The following PARP12 variants were observed in gnomAD, a reference collection of about 807,000 sequenced individuals.
PARP12 encodes protein mono-ADP-ribosyltransferase PARP12.
Under a neutral mutation model 72.4 loss-of-function variants are expected in PARP12, and 59 were observed. The ratio of observed to expected loss-of-function variants is 0.81; its 90% CI spans 0.66 to 1.01. The LOEUF (loss-of-function observed/expected upper bound fraction) is 1.01, where lower values mean the gene tolerates loss of function less well. Ranked by LOEUF, PARP12 falls within the 50% of genes least tolerant of loss-of-function variation. The probability of loss-of-function intolerance (pLI) is 0.00; values close to 1 mark genes in which losing one functional copy is unlikely to be tolerated. For synonymous variants in PARP12, 403 were observed against 371.4 expected (o/e 1.09, Z -0.98); for missense variants, 851 against 914.0 (o/e 0.93, Z 0.89).
intron 7 of PARP12, among the ~76,000 whole-genome samples, chr7:140,036,974 T>C (rs1211619730): frequency 6.6e-6 from 1 of 152,150 alleles, no homozygotes; most frequent in Non-Finnish European, 1.5e-5. Flanking sequence ...GGACTTTCAA[T>C]TACTCTGTGT....
chr7:140,048,077 C>T (rs1340242460), intron 4 of PARP12, among the ~76,000 whole-genome samples: 1 of 152,212 alleles, frequency 6.6e-6, no homozygotes, highest in African/African-American at 2.4e-5. Flanking sequence ...GCAGAGATCA[C>T]AGCAAAGATG....
chr7:140,025,497 T>A, intron 11 of PARP12: 1 of 431,536 alleles, frequency 2.3e-6, no homozygotes, highest in Admixed American at 2.7e-5. Flanking sequence ...TGTTCTCAAC[T>A]TGGTAAGCAT....
chr7:140,038,714 A>C (rs1402594343), intron 6 of PARP12, among the ~76,000 whole-genome samples: 3 of 152,076 alleles, frequency 2.0e-5, no homozygotes, highest in Non-Finnish European at 4.4e-5. Context: ...ATAACCAACT[A>C]ACTCCCTCTG....
At chr7:140,035,893 G>GGAGGAGGAAGAGGAA (rs1816137212) in intron 7 of PARP12, among the ~76,000 whole-genome samples, 1 of 148,954 alleles carries the variant, frequency 6.7e-6, no homozygotes, top group African/African-American at 2.5e-5. Context: ...AAGAGGAAGA[G>GGAGGAGGAAGAGGAA]GAGGAGGACG....
At chr7:140,049,110 TG>T (rs149370952) in intron 4 of PARP12, among the ~76,000 whole-genome samples, 12,183 of 152,154 alleles carry the variant, frequency 0.08, 534 homozygotes, top group Non-Finnish European at 0.099. Context: ...AAGCACCTGG[TG>T]GGGGAAGTCC....
chr7:140,048,380 G>A (rs576404814), intron 4 of PARP12, among the ~76,000 whole-genome samples: 8 of 152,044 alleles, frequency 5.3e-5, no homozygotes, highest in South Asian at 2.1e-4. Context: ...CACCGGGAAC[G>A]CCACCCACAC....
intron 5 of PARP12, 37 bp from the exon 6 acceptor site, chr7:140,041,876 C>A: frequency 6.5e-7 from 1 of 1,542,396 alleles, no homozygotes; most frequent in Non-Finnish European, 8.9e-7. Flanking sequence ...GAAAATCCCA[C>A]CAGCCAAGCA....
At chr7:140,038,357 T>TC (rs1363648025) in intron 6 of PARP12, 1 of 938,250 alleles carries the variant, frequency 1.1e-6, no homozygotes, top group Non-Finnish European at 1.3e-6. Context: ...TCAATCCCTA[T>TC]CCTTCCACAA....
rs1816485881 is a variant in PARP12, at chr7:140,041,823, A to C, written c.1003T>G (p.Ser335Ala). 3 of 1,613,604 alleles carry C rather than the reference A, an allele frequency of 1.9e-6. No homozygotes were observed. The East Asian group carries it at 6.7e-5, about 36-fold the overall frequency. The change falls in exon 6 of 12, where the codon TCA (serine) becomes GCA (alanine). Residue 335 changes from serine to alanine, a missense_variant. Ser to Ala is a moderately conservative substitution (Grantham distance 99). This residue lies in a region of PARP12 where 492 missense variants were observed against 489.3 expected (regional missense o/e 1.01). Coordinates refer to ENST00000263549, the MANE Select transcript of PARP12 (RefSeq NM_022750.4). Reference protein sequence around the residue: ...PKIERILCSESASTFHSHCLN... With the variant: ...PKIERILCSEAASTFHSHCLN... ...CAATGAGAGTGAAAGGTACTGGCTG[A>C]CTCAGAGCACAGGATCCTACAGAAG...
At position 140,046,721 on chromosome 7, in the gene PARP12, A is replaced by AGTGTGTGTGTGTGTGTGTGTGTGTGT. The variant is rs9340757; in HGVS notation, c.986+137_986+162dup. On this transcript the variant is annotated intron_variant, in intron 5 of 11. Transcript: ENST00000263549. The stretch of plus-strand genomic sequence containing the variant: ...TCTACCTCCAGACTAGGTGGCTCAC[A>AGTGTGTGTGTGTGTGTGTGTGTGTGT]GTGTGTGTGTGTGTGTGTGTGTGTG... Among the ~76,000 whole-genome samples, 11 of 135,484 alleles carry AGTGTGTGTGTGTGTGTGTGTGTGTGT rather than the reference A, an allele frequency of 8.1e-5. No homozygotes were observed. In the South Asian group the frequency reaches 1.2e-3, roughly 15 times the overall value. 88.9% of individuals were successfully genotyped at this position (135,484 alleles called of 152,430 possible). A position where few individuals can be genotyped will look rare whatever the true frequency, so the allele number is the denominator to read the frequency against.
chr7:140,041,504 A>G, intron 6 of PARP12, 140 bp downstream of exon 6: 1 of 789,708 alleles, frequency 1.3e-6, no homozygotes, highest in Non-Finnish European at 2.0e-6. Flanking sequence ...TAATTCTCCC[A>G]AAGCAAGTGA....
chr7:140,041,334 TG>T (rs760444951), intron 6 of PARP12: 203 of 251,970 alleles, frequency 8.1e-4, no homozygotes, highest in Non-Finnish European at 1.1e-3. Flanking sequence ...TTAAGTTACC[TG>T]TTCAACAAGA....
chr7:140,038,471 C>T (rs1816313868), intron 6 of PARP12, among the ~76,000 whole-genome samples: 1 of 152,106 alleles, frequency 6.6e-6, no homozygotes, highest in East Asian at 1.9e-4. Context: ...CCTCCCTGAG[C>T]CTCCGTTATC....
intron 4 of PARP12, among the ~76,000 whole-genome samples, chr7:140,047,251 C>T (rs988967853): frequency 5.3e-5 from 8 of 152,188 alleles, no homozygotes; most frequent in Admixed American, 3.9e-4. Context: ...ACAACTTAAT[C>T]GCCAATGTGA....
intron 2 of PARP12, 164 bp from the exon 3 acceptor site, chr7:140,057,317 C>T (rs1817228243): frequency 4.2e-6 from 3 of 706,892 alleles, no homozygotes; most frequent in Non-Finnish European, 7.0e-6. Flanking sequence ...CGGCTGCTAA[C>T]AAATGCCCTT....
chr7:140,034,569 A>G, intron 7 of PARP12: 1 of 320,156 alleles, frequency 3.1e-6, no homozygotes, highest in Non-Finnish European at 6.0e-6. Flanking sequence ...TGACATATCA[A>G]TTACACATGA....
At chr7:140,030,522 C>T (rs190236393) in intron 8 of PARP12, among the ~76,000 whole-genome samples, 194 of 152,350 alleles carry the variant, frequency 1.3e-3, no homozygotes, top group African/African-American at 4.4e-3. Context: ...CGCTTGAACT[C>T]AAGAGGCGGA....
intron 7 of PARP12, 77 bp downstream of exon 7, chr7:140,037,638 G>A (rs567384707): frequency 1.1e-5 from 17 of 1,574,892 alleles, no homozygotes; most frequent in Admixed American, 1.0e-4. Context: ...ATGTGCACAC[G>A]GCTCCTCCAG....
intron 5 of PARP12, among the ~76,000 whole-genome samples, chr7:140,042,317 C>A (rs1220060915): frequency 6.6e-6 from 1 of 152,194 alleles, no homozygotes; most frequent in Non-Finnish European, 1.5e-5. Flanking sequence ...GGTGAAGAAA[C>A]CTGTTCAAGG....
Sources: gnomAD v4.1 joint callset for allele counts (sites outside exome capture counted in the v4.1 genomes callset) on GRCh38, gnomAD v4.1.1 for gene constraint, gnomAD v4.1.1 regional missense constraint, MANE v1.5 for transcripts, NCBI Gene and HGNC (gene_info 2026-07-23, HGNC 2026-07-21) for gene names.